Variants in CCDC3 observed in about 807,000 individuals in gnomAD.
CCDC3 encodes coiled-coil domain-containing protein 3.
Under a neutral mutation model 21.4 loss-of-function variants are expected in CCDC3, and 24 were observed. The ratio of observed to expected loss-of-function variants is 1.12; its 90% CI spans 0.81 to 1.58. The LOEUF is 1.58. CCDC3 is among the 40% of genes most tolerant of loss of function. The pLI is 0.00. For synonymous variants in CCDC3, 186 were observed against 166.0 expected (o/e 1.12, Z -0.93); for missense variants, 425 against 360.9 (o/e 1.18, Z -1.44).
intron 2 of CCDC3, among the ~76,000 whole-genome samples, chr10:12,969,716 TTTTAATA>T (rs1835314095): frequency 6.7e-6 from 1 of 148,990 alleles, no homozygotes; most frequent in Non-Finnish European, 1.5e-5. Context: ...ATTTTAATAA[TTTTAATA>T]TTTAATATTC....
intron 2 of CCDC3, among the ~76,000 whole-genome samples, chr10:12,964,566 C>T (rs1236273376): frequency 2.0e-5 from 3 of 152,122 alleles, no homozygotes; most frequent in Admixed American, 1.3e-4. Flanking sequence ...CCAAAAGAAT[C>T]ACCAAGAGGG....
intron 3 of CCDC3, among the ~76,000 whole-genome samples, chr10:13,077,059 G>A (rs1474431044): frequency 6.6e-6 from 1 of 152,204 alleles, no homozygotes; most frequent in African/African-American, 2.4e-5. Flanking sequence ...AGGAAAAGAG[G>A]AAGTCAAATT....
intron 5 of CCDC3, among the ~76,000 whole-genome samples, chr10:13,028,778 C>T (rs1836260100): frequency 6.6e-6 from 1 of 152,166 alleles, no homozygotes; most frequent in Non-Finnish European, 1.5e-5. Flanking sequence ...TGTAGTGGCA[C>T]ATGCAAAGGG....
intron 2 of CCDC3, among the ~76,000 whole-genome samples, chr10:12,910,227 T>C (rs1834245926): frequency 6.6e-6 from 1 of 152,330 alleles, no homozygotes; most frequent in African/African-American, 2.4e-5. Flanking sequence ...TGGAAAGAGC[T>C]GTGGGTGCAA....
chr10:12,970,872 A>G (rs1835331597), intron 2 of CCDC3, among the ~76,000 whole-genome samples: 1 of 145,592 alleles, frequency 6.9e-6, no homozygotes, highest in Admixed American at 6.9e-5. Flanking sequence ...CCTGGGCGAC[A>G]GAGCAAGACT....
intron 2 of CCDC3, among the ~76,000 whole-genome samples, chr10:12,964,444 G>T (rs10906265): frequency 0.94 from 142,864 of 152,080 alleles, 67,624 homozygotes; most frequent in East Asian, 1. Context: ...AATCTCTCCC[G>T]CTTTCAGATC....
intron 4 of CCDC3, among the ~76,000 whole-genome samples, chr10:13,061,176 TA>T (rs1275780221): frequency 6.6e-6 from 1 of 152,204 alleles, no homozygotes; most frequent in Non-Finnish European, 1.5e-5. Flanking sequence ...GGAATGAGTA[TA>T]AATTATGGAT....
intron 2 of CCDC3, among the ~76,000 whole-genome samples, chr10:12,979,213 G>C (rs1047825560): frequency 6.6e-6 from 1 of 151,948 alleles, no homozygotes; most frequent in Non-Finnish European, 1.5e-5. Context: ...ACAGGACAAG[G>C]GCAAGACCAG....
intron 2 of CCDC3, among the ~76,000 whole-genome samples, chr10:12,934,672 A>AC (rs1834707037): frequency 3.3e-5 from 5 of 152,200 alleles, no homozygotes; most frequent in Admixed American, 2.6e-4. Context: ...TTCTTGGAGT[A>AC]GTAACCCCAT....
At chr10:13,006,715 G>A (rs1181411547) in intron 5 of CCDC3, among the ~76,000 whole-genome samples, 1 of 152,196 alleles carries the variant, frequency 6.6e-6, no homozygotes, top group Non-Finnish European at 1.5e-5. Flanking sequence ...TATGGTGTGT[G>A]CATGTGGCAA....
chr10:13,069,820 G>A (rs377148048), intron 4 of CCDC3, among the ~76,000 whole-genome samples: 13 of 152,148 alleles, frequency 8.5e-5, no homozygotes, highest in Admixed American at 6.6e-4. Context: ...TGTAAACCAC[G>A]AAGATAACCA....
chr10:13,052,287 C>T (rs949602481), intron 4 of CCDC3, among the ~76,000 whole-genome samples: 12 of 152,022 alleles, frequency 7.9e-5, no homozygotes, highest in Admixed American at 3.9e-4. Flanking sequence ...GCGGGAAGAT[C>T]GCTCAAGCCC....
At chr10:12,904,930 CAAAA>C (rs1479072827) in intron 2 of CCDC3, among the ~76,000 whole-genome samples, 1 of 151,964 alleles carries the variant, frequency 6.6e-6, no homozygotes, top group Non-Finnish European at 1.5e-5. Context: ...TCAAGCTAAA[CAAAA>C]AGACAGTATG....
intron 2 of CCDC3, among the ~76,000 whole-genome samples, chr10:12,978,179 T>G (rs1335060892): frequency 1.3e-5 from 2 of 152,126 alleles, no homozygotes; most frequent in African/African-American, 4.8e-5. Context: ...CCACCACACC[T>G]GGCTAAGTTT....
chr10:13,031,977 C>T (rs1390861436), intron 5 of CCDC3, among the ~76,000 whole-genome samples: 13 of 152,292 alleles, frequency 8.5e-5, no homozygotes, highest in Non-Finnish European at 1.6e-4. Context: ...GGGAATCTTC[C>T]CTAACTCATT....
chr10:12,919,933 A>G (rs145838929), intron 2 of CCDC3, among the ~76,000 whole-genome samples: 156 of 152,302 alleles, frequency 1.0e-3, no homozygotes, highest in African/African-American at 3.6e-3. Context: ...GAGCCTGATC[A>G]TGAGTGGAAT....
intron 4 of CCDC3, among the ~76,000 whole-genome samples, chr10:13,054,375 C>CA (rs1387348441): frequency 1.3e-5 from 2 of 152,120 alleles, no homozygotes; most frequent in Admixed American, 6.5e-5. Context: ...CTTCCCAACT[C>CA]AGCTTAAGCT....
rs543705986 is a variant in CCDC3 at position 12,998,573 on chromosome 10, T to G, written c.375-61A>C. 1,317 of 1,520,806 alleles carry G rather than the reference T, an allele frequency of 8.7e-4. 3 individuals are homozygous for G. The highest frequency in any genetic ancestry group is 1.1e-3 in the Non-Finnish European group (1,240 of 1,119,974). 94.2% of individuals were successfully genotyped at this position (1,520,806 alleles called of 1,614,324 possible). On this transcript the variant is annotated intron_variant, in intron 1 of 2. Transcript: ENST00000378825. The stretch of plus-strand genomic sequence containing the variant: ...ACAGTCAAGGGTGTACCAGCTCCAA[T>G]CCAGAGTCACAGACAACTGCAACGG...
At chr10:12,918,206 A>C (rs961641378) in intron 2 of CCDC3, among the ~76,000 whole-genome samples, 10 of 152,236 alleles carry the variant, frequency 6.6e-5, no homozygotes, top group African/African-American at 2.4e-4. Context: ...ATGGGTTAAT[A>C]AGTACTCCAG....
Sources: allele counts gnomAD v4.1 joint callset (sites outside exome capture counted in the v4.1 genomes callset), GRCh38; gene constraint gnomAD v4.1.1; transcripts MANE v1.5; gene names NCBI Gene and HGNC (gene_info 2026-07-23, HGNC 2026-07-21).